The following UBE2O variants were observed in gnomAD, a reference collection of about 807,000 sequenced individuals.
The protein encoded by UBE2O is (E3-independent) E2 ubiquitin-conjugating enzyme.
UBE2O carries 15 observed loss-of-function variants against 125.8 expected under a neutral mutation model. The ratio of observed to expected loss-of-function variants is 0.12; its 90% confidence interval spans 0.08 to 0.18. The LOEUF is 0.18. UBE2O is among the 10% of genes least tolerant of loss of function. UBE2O has a pLI of 1.00. For missense variants in UBE2O, 1,280 were observed against 1,723.6 expected, an observed-to-expected ratio of 0.74 and a Z score of 4.56; for synonymous variants, 708 against 703.2, an observed-to-expected ratio of 1.01 and a Z score of -0.11.
intron 1 of UBE2O, among the ~76,000 whole-genome samples, chr17:76,425,200 T>G (rs1037834497): frequency 3.7e-5 from 5 of 136,722 alleles, no homozygotes; most frequent in African/African-American, 1.4e-4. Flanking sequence ...TTTTAAAATG[T>G]GGTCACTTCT....
At chr17:76,418,041 G>A (rs1179124209) in intron 1 of UBE2O, among the ~76,000 whole-genome samples, 2 of 152,174 alleles carry the variant, frequency 1.3e-5, no homozygotes, top group African/African-American at 2.4e-5. Flanking sequence ...GGAGGAAGGC[G>A]CAGGGGGAGG....
At position 76,452,489 on chromosome 17, in the gene UBE2O, C is replaced by G. The variant is rs2073268001; in HGVS notation, c.417+236G>C. ...GCATAACATGTCTTAGAAGTCCCCT[C>G]AAGTCGGGAAGCCCAGGGCCCGCCC... is the stretch of plus-strand genomic sequence containing the variant. On this transcript the variant is annotated intron_variant, in intron 1 of 17. Transcript: ENST00000319380. The surrounding 1 kb of genome is among the most constrained non-coding windows in gnomAD (Gnocchi z 4.4). 6.6e-6 allele frequency among the ~76,000 whole-genome samples: 1 copy of G among 152,232 alleles called. No individual in the cohort carries two copies. The highest frequency in any genetic ancestry group is 1.5e-5 in the Non-Finnish European group (1 of 68,038).
At chr17:76,450,262 G>A (rs1418251296) in intron 1 of UBE2O, among the ~76,000 whole-genome samples, 2 of 152,066 alleles carry the variant, frequency 1.3e-5, no homozygotes, top group African/African-American at 4.8e-5. Context: ...AGTTCTGCAA[G>A]GTCCCAGGAC....
At chr17:76,438,570 C>T (rs1475681744) in intron 1 of UBE2O, among the ~76,000 whole-genome samples, 2 of 152,180 alleles carry the variant, frequency 1.3e-5, no homozygotes, top group Non-Finnish European at 2.9e-5. Flanking sequence ...CTTCTCCAAC[C>T]ACCTCACCTT....
rs2072093228 is a variant in UBE2O at position 76,390,736 on chromosome 17, C to T, written c.*207G>A. On this transcript the variant is annotated 3_prime_UTR_variant, in exon 18 of 18. Coordinates refer to ENST00000319380, the MANE Select transcript of UBE2O (RefSeq NM_022066.4). Reference sequence around the variant, plus strand: ...CCGATTTTCTTTGCCACAGGGGACCCGCCTGTTGAAAGCTCGCTTCAAAAT... The same window carrying T: ...CCGATTTTCTTTGCCACAGGGGACCTGCCTGTTGAAAGCTCGCTTCAAAAT... 2.1e-6 allele frequency: 1 copy of T among 481,608 alleles called. No homozygotes were observed. Among genetic ancestry groups the T allele is most frequent in the South Asian group, 4.1e-5 (1 of 24,238 alleles). The allele number at this position is 481,608 out of a possible 1,614,324, so 29.8% of individuals were successfully genotyped here. A position where few individuals can be genotyped will look rare whatever the true frequency, so the allele number is the denominator to read the frequency against.
chr17:76,405,441 G>A lies in UBE2O; in HGVS notation c.477+72C>T, dbSNP rs2072399020. 1.3e-6 allele frequency: 2 copies of A among 1,525,970 alleles called. No individual in the cohort carries two copies. The highest frequency in any genetic ancestry group is 1.9e-5 in the Admixed American group (1 of 52,230). The allele number at this position is 1,525,970 out of a possible 1,614,324, so 94.5% of individuals were successfully genotyped here. A position where few individuals can be genotyped will look rare whatever the true frequency, so the allele number is the denominator to read the frequency against. ...GCCAGTTCTCCCACATGCAGAGTGC[G>A]AGGTGGGCAGGCTCAAGTCCCTAAG... On this transcript the variant is annotated intron_variant, in intron 2 of 17. Transcript: ENST00000319380. The surrounding 1 kb of genome is among the most constrained non-coding windows in gnomAD (Gnocchi z 6.1).
chr17:76,430,956 G>A, intron 1 of UBE2O: 9 of 328,390 alleles, frequency 2.7e-5, no homozygotes, highest in South Asian at 2.3e-4. Flanking sequence ...GATTCCTTGT[G>A]GTAGTGCTTC....
At position 76,402,002 on chromosome 17, in the gene UBE2O, A is replaced by G; in HGVS notation, c.750+62T>C. On this transcript the variant is annotated intron_variant, in intron 5 of 17. Transcript: ENST00000319380. The surrounding 1 kb of genome is among the most constrained non-coding windows in gnomAD (Gnocchi z 5.4). ...AGCTGGGTCCAGGTCTTTGCTACGA[A>G]GTCCTCCTTCCAGAGGACTGAGCAA... 1 of 1,562,636 alleles carries G rather than the reference A, an allele frequency of 6.4e-7. No individual in the cohort carries two copies.
At position 76,401,080 on chromosome 17, in the gene UBE2O, G is replaced by A. The variant is rs1049122747; in HGVS notation, c.825C>T (p.Ser275=). 8.1e-6 allele frequency: 13 copies of A among 1,613,928 alleles called. No homozygotes were observed. Among genetic ancestry groups the A allele is most frequent in the South Asian group, 6.6e-5 (6 of 91,084 alleles). The change falls in exon 6 of 18, where the codon AGC becomes AGT. Residue 275 remains serine (S), a synonymous_variant. Coordinates refer to ENST00000319380, the MANE Select transcript of UBE2O (RefSeq NM_022066.4). The part of the protein sequence containing the change: ...VLIGPAKIFS[S]VQWLSGVKPV... ...GCTTGACACCTGACAGCCACTGGAC[G>A]CTGGAGAAGATCTTGGCAGGGCCAA...
At chr17:76,413,369 A>G (rs577974262) in intron 1 of UBE2O, among the ~76,000 whole-genome samples, 2 of 152,310 alleles carry the variant, frequency 1.3e-5, no homozygotes, top group East Asian at 3.9e-4. Context: ...TCCCCAAAGC[A>G]GCACTTTTTT....
rs2073275079 is a variant in UBE2O at position 76,452,704 on chromosome 17, C to T, written c.417+21G>A. On this transcript the variant is annotated intron_variant, in intron 1 of 17. Transcript: ENST00000319380. This position sits in a 1 kb window ranked among gnomAD's most constrained non-coding sequence, Gnocchi z 4.4. The stretch of plus-strand genomic sequence containing the variant: ...CGCCGACCCCCTGCCGCCCGCGCCG[C>T]CCAGCCCCCGCCCGCCGCACCTTGG... The T allele has an allele frequency of 1.5e-6, 2 of 1,371,914 alleles. No homozygotes were observed. Among genetic ancestry groups the T allele is most frequent in the Middle Eastern group, 2.6e-4 (1 of 3,820 alleles). 85.0% of individuals were successfully genotyped at this position (1,371,914 alleles called of 1,614,324 possible). A position where few individuals can be genotyped will look rare whatever the true frequency, so the allele number is the denominator to read the frequency against.
intron 1 of UBE2O, among the ~76,000 whole-genome samples, chr17:76,433,689 G>A (rs1414340863): frequency 6.6e-6 from 1 of 151,280 alleles, no homozygotes; most frequent in South Asian, 2.1e-4. Flanking sequence ...TCCAGCCTGG[G>A]TGACAGAGCG....
chr17:76,417,915 C>T (rs389809), intron 1 of UBE2O, among the ~76,000 whole-genome samples: 146,659 of 152,296 alleles, frequency 0.96, 70,901 homozygotes, highest in Middle Eastern at 1. Flanking sequence ...GCTGTTTCCG[C>T]TGGTATTTGA....
In UBE2O at chr17:76,389,496, C is replaced by T. The variant is rs536390685; in HGVS notation, c.*1447G>A. 2.7e-4 allele frequency: 31 copies of T among 114,672 alleles called. No homozygotes were observed. Among genetic ancestry groups the T allele is most frequent in the African/African-American group, 8.4e-4 (25 of 29,850 alleles). The allele number at this position is 114,672 out of a possible 1,614,324, so 7.1% of individuals were successfully genotyped here. On this transcript the variant is annotated 3_prime_UTR_variant, in exon 18 of 18. Coordinates refer to ENST00000319380, the MANE Select transcript of UBE2O (RefSeq NM_022066.4). ...GGTTTAATGGTGTCACCTTGTCTTG[C>T]TAATGAGCCAACACAAAAAAAAAAA...
chr17:76,450,971 A>T (rs2073230720), intron 1 of UBE2O, among the ~76,000 whole-genome samples: 1 of 152,240 alleles, frequency 6.6e-6, no homozygotes, highest in Non-Finnish European at 1.5e-5. Context: ...ACTCTGTATA[A>T]TTACACATAG....
intron 1 of UBE2O, among the ~76,000 whole-genome samples, chr17:76,435,393 T>C (rs1742416208): frequency 7.2e-6 from 1 of 139,154 alleles, no homozygotes. Flanking sequence ...TCTGTTTAAA[T>C]ATACAGATAC....
At chr17:76,422,872 G>A (rs1376129184) in intron 1 of UBE2O, among the ~76,000 whole-genome samples, 1 of 152,262 alleles carries the variant, frequency 6.6e-6, no homozygotes, top group Non-Finnish European at 1.5e-5. Context: ...ACCCCAGCAA[G>A]TGCCTGGAAC....
chr17:76,448,589 C>A (rs565653740), intron 1 of UBE2O, among the ~76,000 whole-genome samples: 1 of 152,290 alleles, frequency 6.6e-6, no homozygotes, highest in Admixed American at 6.5e-5. Flanking sequence ...CCTGGTGAAA[C>A]CCTGAATGTC....
In UBE2O at chr17:76,390,886, T is replaced by C. The variant is rs904573196; in HGVS notation, c.*57A>G. On this transcript the variant is annotated 3_prime_UTR_variant, in exon 18 of 18. Coordinates refer to ENST00000319380, the MANE Select transcript of UBE2O (RefSeq NM_022066.4). The stretch of plus-strand genomic sequence containing the variant: ...GAAGAGGGGTGATTCCGGGGGGGAG[T>C]GAGCAGGCGGCGGCTGGCCTCTCCC... 2.1e-5 allele frequency: 32 copies of C among 1,503,128 alleles called. No individual in the cohort carries two copies. The highest frequency in any genetic ancestry group is 2.8e-5 in the Non-Finnish European group (31 of 1,120,838). 93.1% of individuals were successfully genotyped at this position (1,503,128 alleles called of 1,614,324 possible).
Sources: gnomAD v4.1 joint callset for allele counts (sites outside exome capture counted in the v4.1 genomes callset) on GRCh38, gnomAD v4.1.1 for gene constraint, Gnocchi (gnomAD v3.1) non-coding constraint, MANE v1.5 for transcripts, NCBI Gene and HGNC (gene_info 2026-07-23, HGNC 2026-07-21) for gene names.